SLC4A4: variants seen among roughly 807,000 people sequenced by gnomAD.
The protein encoded by SLC4A4 is electrogenic sodium bicarbonate cotransporter 1.
SLC4A4 carries 27 observed loss-of-function variants against 111.5 expected under a neutral mutation model. The ratio of observed to expected loss-of-function variants is 0.24; its 90% CI spans 0.18 to 0.33. SLC4A4 has a LOEUF of 0.33. Among genes scored for constraint, SLC4A4 ranks in the 10% least tolerant of loss-of-function variants. The probability of loss-of-function intolerance (pLI) is 1.00; values close to 1 mark genes in which losing one functional copy is unlikely to be tolerated. For synonymous variants in SLC4A4, 443 were observed against 463.4 expected (o/e 0.96, Z 0.57); for missense variants, 909 against 1,315.5 (o/e 0.69, Z 4.78).
rs1720428436 is a variant in SLC4A4 at position 71,402,167 on chromosome 4, GA to G, written c.807+4517del. Among the ~76,000 whole-genome samples, 7 of 152,280 alleles carry G rather than the reference GA, an allele frequency of 4.6e-5. No homozygotes were observed. In the South Asian group the frequency reaches 1.5e-3, roughly 32 times the overall value. ...ATATTTTGTCAGAAAGTATGCGGATGAAACCATTAACCATGTATAAGTTTAA... is the reference window on the plus strand; with the variant it reads ...ATATTTTGTCAGAAAGTATGCGGATGAACCATTAACCATGTATAAGTTTAA... On this transcript the variant is annotated intron_variant, in intron 7 of 25. Coordinates refer to ENST00000264485, the MANE Select transcript of SLC4A4 (RefSeq NM_001098484.3).
At chr4:71,330,782 T>G (rs1184169501) in intron 3 of SLC4A4, among the ~76,000 whole-genome samples, 4 of 151,922 alleles carry the variant, frequency 2.6e-5, no homozygotes, top group Admixed American at 2.0e-4. Flanking sequence ...GAAACTACCA[T>G]CAGAGTGAAC....
intron 7 of SLC4A4, among the ~76,000 whole-genome samples, chr4:71,399,057 A>G (rs907820490): frequency 4.6e-5 from 7 of 152,186 alleles, no homozygotes; most frequent in African/African-American, 1.4e-4. Flanking sequence ...AACTGTTTAC[A>G]TAGCATTTAT....
At chr4:71,448,684 G>T (rs572505138) in intron 9 of SLC4A4, among the ~76,000 whole-genome samples, 1 of 152,290 alleles carries the variant, frequency 6.6e-6, no homozygotes, top group Non-Finnish European at 1.5e-5. Context: ...CATAGGAGGA[G>T]AAATACTGTT....
At chr4:71,516,839 G>T (rs574556377) in intron 16 of SLC4A4, among the ~76,000 whole-genome samples, 1 of 152,120 alleles carries the variant, frequency 6.6e-6, no homozygotes, top group South Asian at 2.1e-4. Flanking sequence ...CATAATTTTG[G>T]TTCTTCTTTC....
At chr4:71,338,711 T>C (rs975224049) in intron 3 of SLC4A4, among the ~76,000 whole-genome samples, 1 of 152,012 alleles carries the variant, frequency 6.6e-6, no homozygotes, top group African/African-American at 2.4e-5. Flanking sequence ...AATGTTTTTT[T>C]TTTTTTTCTC....
rs926742764 is a variant in SLC4A4 at position 71,534,372 on chromosome 4, A to G, written c.2426A>G (p.Lys809Arg). The change falls in exon 18 of 26, where the codon AAA becomes AGA. Residue 809 changes from lysine (K) to arginine (R), a missense_variant. Lys to Arg is a conservative substitution (Grantham distance 26). Coordinates refer to ENST00000264485, the MANE Select transcript of SLC4A4 (RefSeq NM_001098484.3). ...QQITAVIVNR[K>R]EHKLKKGAGY... is the part of the protein sequence containing the mutation. ...ATTACAGCTGTGATTGTAAACAGGA[A>G]AGAACATAAACTCAAGGTAAGTGTC... 1 of 1,613,592 alleles carries G rather than the reference A, an allele frequency of 6.2e-7. No individual in the cohort carries two copies. The highest frequency in any genetic ancestry group is 8.5e-7 in the Non-Finnish European group (1 of 1,179,656).
At chr4:71,103,706 A>T (rs571490422) in intron 2 of SLC4A4, among the ~76,000 whole-genome samples, 23 of 152,274 alleles carry the variant, frequency 1.5e-4, no homozygotes, top group Admixed American at 5.2e-4. Context: ...AGAAATAAAG[A>T]TGTTCTTTGA....
intron 2 of SLC4A4, among the ~76,000 whole-genome samples, chr4:71,103,368 A>C (rs1184746491): frequency 2.6e-5 from 4 of 152,324 alleles, no homozygotes; most frequent in African/African-American, 9.6e-5. Flanking sequence ...TCAACGAGAC[A>C]GAAAGTCAAC....
At chr4:71,306,788 G>T (rs1020374633) in intron 3 of SLC4A4, among the ~76,000 whole-genome samples, 10 of 152,174 alleles carry the variant, frequency 6.6e-5, no homozygotes, top group Non-Finnish European at 1.0e-4. Flanking sequence ...TGCAAAAATA[G>T]AATTTTTCTG....
chr4:71,535,423 T>C (rs1422603801), intron 18 of SLC4A4, among the ~76,000 whole-genome samples: 1 of 151,824 alleles, frequency 6.6e-6, no homozygotes, highest in African/African-American at 2.4e-5. Context: ...AAGGAGTAAA[T>C]CCCATAATAA....
intron 2 of SLC4A4, among the ~76,000 whole-genome samples, chr4:71,127,125 C>T (rs1233234786): frequency 6.6e-5 from 10 of 152,156 alleles, no homozygotes; most frequent in Admixed American, 1.3e-4. Flanking sequence ...ATGCTAACAT[C>T]GTATTAACAT....
chr4:71,188,636 A>G (rs779812735), intron 1 of SLC4A4, among the ~76,000 whole-genome samples: 1 of 149,762 alleles, frequency 6.7e-6, no homozygotes, highest in East Asian at 1.9e-4. Context: ...TAAAGTGTAC[A>G]TTGCTCATTT....
chr4:71,461,736 T>G (rs1481354927), intron 12 of SLC4A4, among the ~76,000 whole-genome samples: 2 of 152,174 alleles, frequency 1.3e-5, no homozygotes, highest in Non-Finnish European at 2.9e-5. Flanking sequence ...CCTAATTTCT[T>G]GACTTTAAAA....
chr4:71,456,785 C>A (rs2149084940), intron 12 of SLC4A4, among the ~76,000 whole-genome samples: 1 of 152,168 alleles, frequency 6.6e-6, no homozygotes, highest in Non-Finnish European at 1.5e-5. Flanking sequence ...CAAGAGATAC[C>A]AGTAGTGGGG....
chr4:71,483,750 C>CT (rs1729110441), intron 14 of SLC4A4, among the ~76,000 whole-genome samples: 1 of 151,990 alleles, frequency 6.6e-6, no homozygotes, highest in Admixed American at 6.6e-5. Context: ...AATCACCACA[C>CT]TGTTTTCCAC....
At chr4:71,431,288 G>A (rs1577884934) in intron 7 of SLC4A4, among the ~76,000 whole-genome samples, 1 of 152,118 alleles carries the variant, frequency 6.6e-6, no homozygotes, top group African/African-American at 2.4e-5. Context: ...TCTGTGGGGA[G>A]AAGGGAGTTA....
intron 2 of SLC4A4, among the ~76,000 whole-genome samples, chr4:71,182,256 C>A (rs1223706324): frequency 6.6e-6 from 1 of 152,018 alleles, no homozygotes; most frequent in African/African-American, 2.4e-5. Context: ...ATTGAAATGC[C>A]ATGAAGGCAC....
intron 3 of SLC4A4, among the ~76,000 whole-genome samples, chr4:71,259,077 T>G (rs1341615129): frequency 6.6e-6 from 1 of 152,156 alleles, no homozygotes; most frequent in Non-Finnish European, 1.5e-5. Context: ...TGTAGTGCTC[T>G]ATGATTGCCC....
intron 3 of SLC4A4, among the ~76,000 whole-genome samples, chr4:71,307,783 C>T (rs1440398571): frequency 6.6e-6 from 1 of 152,242 alleles, no homozygotes; most frequent in African/African-American, 2.4e-5. Context: ...TGAATTATAG[C>T]AAACAAACGG....
Sources: gnomAD v4.1 joint callset for allele counts (sites outside exome capture counted in the v4.1 genomes callset) on GRCh38, gnomAD v4.1.1 for gene constraint, MANE v1.5 for transcripts, NCBI Gene and HGNC (gene_info 2026-07-23, HGNC 2026-07-21) for gene names.